Variants in RAB38 observed in about 807,000 individuals in gnomAD.
RAB38 encodes RAB38, member RAS oncogene family, also known as ras-related protein Rab-38.
In RAB38, 15 loss-of-function variants were observed where a neutral mutation model predicts 18.4. The observed-to-expected ratio is 0.82, with a 90% confidence interval of 0.55 to 1.26. The LOEUF is 1.26. Among genes scored for constraint, RAB38 ranks in the 50% most tolerant of loss-of-function variants. The pLI, the probability that RAB38 is intolerant of heterozygous loss-of-function variation, is 0.00. For missense variants in RAB38, 294 were observed against 267.4 expected, an observed-to-expected ratio of 1.10 and a Z score of -0.69; for synonymous variants, 101 against 104.4, an observed-to-expected ratio of 0.97 and a Z score of 0.20.
At chr11:88,023,178 T>A in the RAB38 span, among the ~76,000 whole-genome samples, 9 of 152,082 alleles carry the variant, frequency 5.9e-5, no homozygotes, top group African/African-American at 2.2e-4. Context: ...GAGAAAAATG[T>A]TAGTTAATAT....
the RAB38 span, among the ~76,000 whole-genome samples, chr11:87,837,095 T>C: frequency 6.6e-6 from 1 of 152,232 alleles, no homozygotes; most frequent in Non-Finnish European, 1.5e-5. Context: ...AAAATGCTTA[T>C]AATAGCCAAG....
At chr11:88,104,675 A>G in the RAB38 span, among the ~76,000 whole-genome samples, 1 of 152,168 alleles carries the variant, frequency 6.6e-6, no homozygotes, top group Non-Finnish European at 1.5e-5. Flanking sequence ...TATTTTAAAT[A>G]CCAATTCATG....
chr11:88,104,321 T>C, the RAB38 span, among the ~76,000 whole-genome samples: 3 of 144,630 alleles, frequency 2.1e-5, no homozygotes, highest in South Asian at 2.2e-4. Context: ...ACTGCATGTC[T>C]GTCCCTTACT....
the RAB38 span, chr11:88,061,704 GT>G: frequency 2.0e-5 from 3 of 151,974 alleles, no homozygotes; most frequent in Non-Finnish European, 4.4e-5. Context: ...CTGGAACTCG[GT>G]TCAGCACAGG....
the RAB38 span, among the ~76,000 whole-genome samples, chr11:87,923,132 T>C: frequency 6.6e-6 from 1 of 152,008 alleles, no homozygotes; most frequent in East Asian, 1.9e-4. Context: ...AGTATATTTT[T>C]CAAAGTGATT....
chr11:88,066,483 T>C, the RAB38 span, among the ~76,000 whole-genome samples: 1 of 152,164 alleles, frequency 6.6e-6, no homozygotes, highest in South Asian at 2.1e-4. Flanking sequence ...ATAATATAAA[T>C]GTAAATATGC....
chr11:87,862,058 G>T, the RAB38 span, among the ~76,000 whole-genome samples: 3 of 151,944 alleles, frequency 2.0e-5, no homozygotes, highest in African/African-American at 4.8e-5. Context: ...CTTACACACT[G>T]TTGATGGGAA....
chr11:88,015,439 A>G, the RAB38 span, among the ~76,000 whole-genome samples: 6 of 152,266 alleles, frequency 3.9e-5, no homozygotes, highest in African/African-American at 7.2e-5. Flanking sequence ...GGTCACTACA[A>G]TATGGTTTGC....
At chr11:87,938,855 C>T in the RAB38 span, among the ~76,000 whole-genome samples, 2 of 151,826 alleles carry the variant, frequency 1.3e-5, no homozygotes, top group African/African-American at 4.8e-5. Flanking sequence ...CTTCTTTTCT[C>T]TACCTTTCAG....
the RAB38 span, among the ~76,000 whole-genome samples, chr11:87,934,966 G>A: frequency 6.6e-6 from 1 of 152,002 alleles, no homozygotes; most frequent in African/African-American, 2.4e-5. Flanking sequence ...AGACTGTGTG[G>A]AGCCTGGAAA....
chr11:87,952,633 A>AAT, the RAB38 span, among the ~76,000 whole-genome samples: 1 of 152,188 alleles, frequency 6.6e-6, no homozygotes, highest in African/African-American at 2.4e-5. Flanking sequence ...ACAGTATTGT[A>AAT]ATCAGTATAG....
rs78747243 is a variant in RAB38, at chr11:88,153,129, T to C, written c.203-3174A>G. On this transcript the variant is annotated intron_variant, in intron 1 of 2. Coordinates refer to ENST00000243662, the MANE Select transcript of RAB38 (RefSeq NM_022337.3). ...CACCAACTTGAAAAGTCAGAAGGCA[T>C]GGTCTTAATTTTACTTACTGGTTAC... Among the ~76,000 whole-genome samples, 10 of 152,344 alleles carry C rather than the reference T, an allele frequency of 6.6e-5. No homozygotes were observed. The East Asian group carries it at 1.9e-3, about 29-fold the overall frequency.
At chr11:88,017,370 CA>C in the RAB38 span, among the ~76,000 whole-genome samples, 1 of 142,466 alleles carries the variant, frequency 7.0e-6, no homozygotes, top group Admixed American at 7.2e-5. Flanking sequence ...CACATACACA[CA>C]CACACACACA....
At chr11:87,885,600 A>C in the RAB38 span, among the ~76,000 whole-genome samples, 1 of 152,012 alleles carries the variant, frequency 6.6e-6, no homozygotes, top group East Asian at 2.0e-4. Flanking sequence ...GTTCTGCTGT[A>C]CTGAAGTTAC....
chr11:88,170,689 T>C (rs1381814872), intron 1 of RAB38, among the ~76,000 whole-genome samples: 1 of 152,224 alleles, frequency 6.6e-6, no homozygotes, highest in Non-Finnish European at 1.5e-5. Flanking sequence ...GAAGCTGGTA[T>C]AGATGTGCCT....
the RAB38 span, among the ~76,000 whole-genome samples, chr11:87,826,145 A>G: frequency 6.6e-6 from 1 of 152,092 alleles, no homozygotes; most frequent in Non-Finnish European, 1.5e-5. Flanking sequence ...ATAAAGGTAT[A>G]TAATACGAGA....
chr11:87,965,618 T>G, the RAB38 span, among the ~76,000 whole-genome samples: 1 of 152,162 alleles, frequency 6.6e-6, no homozygotes, highest in East Asian at 1.9e-4. Flanking sequence ...CAAGAAGTAT[T>G]ATAATATACT....
At chr11:88,075,894 C>CAAAAAAAAAAAAAAA in the RAB38 span, among the ~76,000 whole-genome samples, 1 of 127,278 alleles carries the variant, frequency 7.9e-6, no homozygotes. Flanking sequence ...AAAAAGAAAA[C>CAAAAAAAAAAAAAAA]AAAAAAAAAA....
At chr11:87,868,541 G>GA in the RAB38 span, among the ~76,000 whole-genome samples, 43,242 of 143,804 alleles carry the variant, frequency 0.3, 8,369 homozygotes, top group African/African-American at 0.54. Context: ...GAAAATGAAA[G>GA]GTGATCCAGA....
Sources: gnomAD v4.1 joint callset for allele counts (sites outside exome capture counted in the v4.1 genomes callset) on GRCh38, gnomAD v4.1.1 for gene constraint, MANE v1.5 for transcripts, NCBI Gene and HGNC (gene_info 2026-07-23, HGNC 2026-07-21) for gene names.